The following SLC24A3 variants were observed in gnomAD, a reference collection of about 807,000 sequenced individuals.
SLC24A3 encodes sodium/potassium/calcium exchanger 3.
Under a neutral mutation model 75.8 loss-of-function variants are expected in SLC24A3, and 28 were observed. The observed-to-expected ratio is 0.37, with a 90% CI of 0.27 to 0.51. The LOEUF (loss-of-function observed/expected upper bound fraction) is 0.51, where lower values mean the gene tolerates loss of function less well. Ranked by LOEUF, SLC24A3 falls within the 20% of genes least tolerant of loss-of-function variation. SLC24A3 has a pLI of 0.94. For missense variants in SLC24A3, 663 were observed against 847.8 expected, an observed-to-expected ratio of 0.78 and a Z score of 2.71; for synonymous variants, 372 against 334.1, an observed-to-expected ratio of 1.11 and a Z score of -1.24.
chr20:19,327,065 T>A (rs1039227162), intron 2 of SLC24A3, among the ~76,000 whole-genome samples: 1 of 152,166 alleles, frequency 6.6e-6, no homozygotes, highest in Non-Finnish European at 1.5e-5. Flanking sequence ...TTCTTTAATT[T>A]AAAAAAACGT....
Position 19,684,262 on chromosome 20 carries a change from C to G in SLC24A3, c.988C>G (p.Leu330Val), listed in dbSNP as rs1392563785. The G allele has an allele frequency of 6.2e-7, 1 of 1,613,990 alleles. No homozygotes were observed. Among genetic ancestry groups the G allele is most frequent in the African/African-American group, 1.3e-5 (1 of 74,880 alleles). Residue 330 changes from leucine (L) to valine (V), a missense_variant, in exon 11 of 17, where the codon CTT (leucine) becomes GTT (valine). This residue lies in a region of SLC24A3 where 510 missense variants were observed against 703.6 expected (regional missense o/e 0.72). Transcript: ENST00000328041. Reference sequence around the variant, plus strand: ...CCAGCTTTCCTTCTCTGAGGCTGGCCTTCGAATCATGATAACCAGCCACTT... The same window carrying G: ...CCAGCTTTCCTTCTCTGAGGCTGGCGTTCGAATCATGATAACCAGCCACTT... ...PHQLSFSEAG[L>V]RIMITSHFPP...
chr20:19,501,716 T>A (rs1988387249), intron 2 of SLC24A3, among the ~76,000 whole-genome samples: 1 of 152,200 alleles, frequency 6.6e-6, no homozygotes, highest in South Asian at 2.1e-4. Context: ...ATATTTATAG[T>A]TGAGAGCTTT....
intron 2 of SLC24A3, among the ~76,000 whole-genome samples, chr20:19,340,252 C>A (rs1439369275): frequency 1.3e-5 from 2 of 152,166 alleles, no homozygotes; most frequent in Admixed American, 6.5e-5. Flanking sequence ...CACAGACATG[C>A]ACACAGGGAG....
chr20:19,321,471 G>A (rs1261722883), intron 2 of SLC24A3, among the ~76,000 whole-genome samples: 2 of 152,118 alleles, frequency 1.3e-5, no homozygotes, highest in African/African-American at 4.8e-5. Context: ...ACATGTGAAG[G>A]AAAGGAAAGG....
At chr20:19,262,268 G>A (rs1281679710) in intron 1 of SLC24A3, among the ~76,000 whole-genome samples, 2 of 151,622 alleles carry the variant, frequency 1.3e-5, no homozygotes, top group African/African-American at 2.4e-5. Flanking sequence ...AGCCGGGCGT[G>A]GTGGCGGGCG....
At chr20:19,500,897 A>G (rs907458206) in intron 2 of SLC24A3, among the ~76,000 whole-genome samples, 6 of 152,200 alleles carry the variant, frequency 3.9e-5, no homozygotes, top group Non-Finnish European at 8.8e-5. Context: ...CATGACTGTA[A>G]ATGTATACAT....
At chr20:19,588,753 T>A (rs1056167662) in intron 6 of SLC24A3, among the ~76,000 whole-genome samples, 1 of 152,244 alleles carries the variant, frequency 6.6e-6, no homozygotes, top group African/African-American at 2.4e-5. Context: ...TTGAAGGGAC[T>A]TCATGCCAGT....
intron 6 of SLC24A3, among the ~76,000 whole-genome samples, chr20:19,614,800 T>C (rs1013344458): frequency 3.3e-5 from 5 of 152,180 alleles, no homozygotes; most frequent in African/African-American, 1.2e-4. Context: ...CCTGGATCAC[T>C]CTGCTAAGAA....
At chr20:19,495,843 C>A (rs1052462756) in intron 2 of SLC24A3, among the ~76,000 whole-genome samples, 1 of 152,242 alleles carries the variant, frequency 6.6e-6, no homozygotes, top group Non-Finnish European at 1.5e-5. Flanking sequence ...CTCCACAGCA[C>A]CCCAGATTTC....
At chr20:19,218,121 T>C (rs1981614238) in intron 1 of SLC24A3, among the ~76,000 whole-genome samples, 1 of 152,164 alleles carries the variant, frequency 6.6e-6, no homozygotes, top group Admixed American at 6.5e-5. Context: ...ATATAAAAGG[T>C]ATTTGGTAAA....
At chr20:19,293,878 G>A (rs1297440281) in intron 2 of SLC24A3, among the ~76,000 whole-genome samples, 2 of 151,694 alleles carry the variant, frequency 1.3e-5, no homozygotes, top group Non-Finnish European at 2.9e-5. Context: ...TTGCCTTTAG[G>A]TCCAGTGGTC....
chr20:19,296,014 T>A (rs1178942336), intron 2 of SLC24A3, among the ~76,000 whole-genome samples: 15 of 152,116 alleles, frequency 9.9e-5, no homozygotes, highest in Admixed American at 7.9e-4. Flanking sequence ...GTAGGCTATT[T>A]ATTACTGTCT....
At chr20:19,642,708 A>C (rs2032090356) in intron 6 of SLC24A3, among the ~76,000 whole-genome samples, 1 of 152,176 alleles carries the variant, frequency 6.6e-6, no homozygotes, top group Non-Finnish European at 1.5e-5. Flanking sequence ...CAAGCTGAAA[A>C]TCCACATAAA....
intron 2 of SLC24A3, among the ~76,000 whole-genome samples, chr20:19,451,842 C>G (rs1987486668): frequency 6.6e-6 from 1 of 152,176 alleles, no homozygotes; most frequent in Admixed American, 6.5e-5. Flanking sequence ...CCCAGGCCAT[C>G]CAAAGGGAAT....
intron 2 of SLC24A3, among the ~76,000 whole-genome samples, chr20:19,315,739 T>C (rs73284700): frequency 0.023 from 3,539 of 152,294 alleles, 62 homozygotes; most frequent in African/African-American, 0.04. Context: ...GCTGGAAGAT[T>C]ACAGCACTGT....
chr20:19,673,334 G>T (rs572897852), intron 8 of SLC24A3, among the ~76,000 whole-genome samples: 3 of 152,212 alleles, frequency 2.0e-5, no homozygotes, highest in Non-Finnish European at 2.9e-5. Flanking sequence ...TGTATGAAAG[G>T]CTTGCTGCTT....
At chr20:19,367,483 G>A (rs549987969) in intron 2 of SLC24A3, among the ~76,000 whole-genome samples, 148 of 124,630 alleles carry the variant, frequency 1.2e-3, no homozygotes, top group African/African-American at 5.1e-3. Flanking sequence ...AAAAAAAGAA[G>A]CCCTGCCTTT....
chr20:19,342,005 G>A (rs1017555050), intron 2 of SLC24A3, among the ~76,000 whole-genome samples: 1 of 152,190 alleles, frequency 6.6e-6, no homozygotes, highest in African/African-American at 2.4e-5. Flanking sequence ...AGCATTAAAA[G>A]CACTTTAATA....
intron 8 of SLC24A3, among the ~76,000 whole-genome samples, chr20:19,669,986 G>A (rs148421252): frequency 6.6e-6 from 1 of 152,250 alleles, no homozygotes; most frequent in Non-Finnish European, 1.5e-5. Context: ...AAGGGGAGAA[G>A]GTGCCCAGCG....
Sources: allele counts gnomAD v4.1 joint callset (sites outside exome capture counted in the v4.1 genomes callset), GRCh38; gene constraint gnomAD v4.1.1; regional missense constraint gnomAD v4.1.1; transcripts MANE v1.5; gene names NCBI Gene and HGNC (gene_info 2026-07-23, HGNC 2026-07-21).